Variants in ALDH7A1 observed in about 807,000 individuals in gnomAD.
ALDH7A1 encodes the protein aldehyde dehydrogenase 7 family member A1.
Under a neutral mutation model 79.9 loss-of-function variants are expected in ALDH7A1, and 63 were observed. The ratio of observed to expected loss-of-function variants is 0.79; its 90% CI spans 0.64 to 0.97. The LOEUF (loss-of-function observed/expected upper bound fraction) is 0.97. Among genes scored for constraint, ALDH7A1 ranks in the 50% least tolerant of loss-of-function variants. The probability of loss-of-function intolerance (pLI) is 0.00; values close to 1 mark genes in which losing one functional copy is unlikely to be tolerated. For synonymous variants in ALDH7A1, 240 were observed against 231.2 expected (o/e 1.04, Z -0.34); for missense variants, 627 against 665.2 (o/e 0.94, Z 0.63).
At chr5:126,591,927 CTTTTTTTT>C in intron 3 of ALDH7A1, 1 of 131,130 alleles carries the variant, frequency 7.6e-6, no homozygotes, top group Non-Finnish European at 1.6e-5. Flanking sequence ...TGCCACTGCT[CTTTTTTTT>C]TTTTTTTTTT....
chr5:126,572,461 A>G (rs1306315230), intron 7 of ALDH7A1, among the ~76,000 whole-genome samples: 2 of 152,232 alleles, frequency 1.3e-5, no homozygotes, highest in African/African-American at 2.4e-5. Context: ...CCCTGCCCCT[A>G]AGGCATGAGA....
intron 6 of ALDH7A1, among the ~76,000 whole-genome samples, chr5:126,576,143 G>C (rs1750957476): frequency 1.3e-5 from 2 of 151,612 alleles, no homozygotes; most frequent in South Asian, 4.2e-4. Context: ...GACGCCTGTA[G>C]TCCCAGCTAC....
At position 126,545,013 on chromosome 5, in the gene ALDH7A1, G is replaced by T. The variant is rs556737742; in HGVS notation, c.1572C>A (p.Ile524=). 4 of 1,607,354 alleles carry T rather than the reference G, an allele frequency of 2.5e-6. No individual in the cohort carries two copies. In the East Asian group the frequency reaches 6.7e-5, roughly 27 times the overall value. Residue 524 remains isoleucine (I), a synonymous_variant, in exon 18 of 18, where the codon ATC becomes ATA. Coordinates refer to ENST00000409134, the MANE Select transcript of ALDH7A1 (RefSeq NM_001182.5). ...KQYMRRSTCT[I]NYSKDLPLAQ... ...CCAGAGGAAGGTCTTTACTGTAGTT[G>T]ATAGTACTAGTGGGAAAAAATAACA... is the stretch of plus-strand genomic sequence containing the variant.
At chr5:126,562,840 C>A (rs1415849825) in intron 9 of ALDH7A1, among the ~76,000 whole-genome samples, 1 of 152,124 alleles carries the variant, frequency 6.6e-6, no homozygotes, top group Non-Finnish European at 1.5e-5. Context: ...GAGCGAGACT[C>A]CATGGTTGTA....
intron 10 of ALDH7A1, 112 bp from the exon 11 acceptor site, chr5:126,559,446 T>TTC: frequency 1.2e-6 from 1 of 810,672 alleles, no homozygotes; most frequent in Non-Finnish European, 2.0e-6. Flanking sequence ...TTTTTTTTTT[T>TTC]TTTTTTGAGA....
intron 11 of ALDH7A1, among the ~76,000 whole-genome samples, chr5:126,558,949 T>C (rs112364539): frequency 1.3e-5 from 2 of 152,382 alleles, no homozygotes; most frequent in African/African-American, 4.8e-5. Flanking sequence ...GACACTGGAC[T>C]TCGTCCATAT....
intron 10 of ALDH7A1, among the ~76,000 whole-genome samples, chr5:126,559,764 C>G (rs1750336272): frequency 6.6e-6 from 1 of 151,588 alleles, no homozygotes; most frequent in Non-Finnish European, 1.5e-5. Context: ...AAAAGAACAT[C>G]AAAACTATTG....
Position 126,546,413 on chromosome 5 carries a change from AAAT to A in ALDH7A1, c.1490-17_1490-15del. On this transcript the variant is annotated splice_polypyrimidine_tract_variant and intron_variant, in intron 16 of 17. Transcript: ENST00000409134. ...GCTTTTCTCCTCCTAGAGAAATAAAAAATAATATCATATCTTCTGAGCAGTTTC... is the reference window on the plus strand; with the variant it reads ...GCTTTTCTCCTCCTAGAGAAATAAAAAATATCATATCTTCTGAGCAGTTTC... The A allele has an allele frequency of 6.2e-7, 1 of 1,612,670 alleles. No homozygotes were observed. The highest frequency in any genetic ancestry group is 8.5e-7 in the Non-Finnish European group (1 of 1,178,662).
chr5:126,584,771 G>C (rs1166434336), intron 3 of ALDH7A1, among the ~76,000 whole-genome samples: 1 of 150,414 alleles, frequency 6.6e-6, no homozygotes, highest in Non-Finnish European at 1.5e-5. Flanking sequence ...GAAATGAAGA[G>C]AATTAAAGAA....
intron 4 of ALDH7A1, among the ~76,000 whole-genome samples, chr5:126,583,190 A>G (rs1581395019): frequency 6.6e-6 from 1 of 152,374 alleles, no homozygotes; most frequent in Non-Finnish European, 1.5e-5. Context: ...TTTAAAATAT[A>G]TAAAGTACAA....
At chr5:126,573,687 A>G (rs1274170549) in intron 7 of ALDH7A1, among the ~76,000 whole-genome samples, 1 of 145,050 alleles carries the variant, frequency 6.9e-6, no homozygotes, top group African/African-American at 2.6e-5. Flanking sequence ...ACAGAGCAAG[A>G]CTCAGTCTCA....
intron 16 of ALDH7A1, among the ~76,000 whole-genome samples, chr5:126,548,629 G>A (rs927915568): frequency 2.0e-5 from 3 of 151,980 alleles, no homozygotes; most frequent in Non-Finnish European, 4.4e-5. Context: ...TTTTTGCCAT[G>A]TTGCCCAGGC....
intron 11 of ALDH7A1, among the ~76,000 whole-genome samples, chr5:126,557,971 C>G (rs2112766101): frequency 6.6e-6 from 1 of 151,952 alleles, no homozygotes; most frequent in Middle Eastern, 3.4e-3. Context: ...AGTTCAAGAC[C>G]AGCCTGGCCA....
Position 126,557,758 on chromosome 5 carries a change from A to T in ALDH7A1, c.1008+1482T>A, listed in dbSNP as rs541717403. 1.4e-3 allele frequency among the ~76,000 whole-genome samples: 214 copies of T among 152,304 alleles called. 2 individuals are homozygous for T. Among genetic ancestry groups the T allele is most frequent in the African/African-American group, 4.6e-3 (193 of 41,574 alleles). On this transcript the variant is annotated intron_variant, in intron 11 of 17. Coordinates refer to ENST00000409134, the MANE Select transcript of ALDH7A1 (RefSeq NM_001182.5). The stretch of plus-strand genomic sequence containing the variant: ...GCCAATTCCTTAATAATTCAACTGA[A>T]GGCTTTTTTCATTACAAAAGGAAAA...
chr5:126,578,325 T>C (rs1481541162), intron 5 of ALDH7A1, among the ~76,000 whole-genome samples: 2 of 150,570 alleles, frequency 1.3e-5, no homozygotes, highest in African/African-American at 4.9e-5. Flanking sequence ...ATTACGCAAA[T>C]CTTTACATTC....
intron 5 of ALDH7A1, among the ~76,000 whole-genome samples, chr5:126,579,128 T>A (rs893248587): frequency 6.6e-6 from 1 of 152,224 alleles, no homozygotes; most frequent in Non-Finnish European, 1.5e-5. Flanking sequence ...AAGTCCAATC[T>A]CCTTGTCAGA....
chr5:126,579,748 A>C (rs937308819), intron 5 of ALDH7A1, among the ~76,000 whole-genome samples: 1 of 152,208 alleles, frequency 6.6e-6, no homozygotes, highest in Non-Finnish European at 1.5e-5. Flanking sequence ...ATTTGAGCCA[A>C]GGAGTTCTAG....
chr5:126,554,595 C>T (rs758720636), intron 12 of ALDH7A1: 2 of 600,766 alleles, frequency 3.3e-6, no homozygotes, highest in Non-Finnish European at 6.0e-6. Flanking sequence ...CATCCCAATA[C>T]TCAACTCCGT....
intron 3 of ALDH7A1, among the ~76,000 whole-genome samples, chr5:126,590,276 C>A (rs1751511270): frequency 6.6e-6 from 1 of 152,276 alleles, no homozygotes; most frequent in Non-Finnish European, 1.5e-5. Flanking sequence ...TGCCTGGCCG[C>A]TGTGCAACCT....
Sources: gnomAD v4.1 joint callset for allele counts (sites outside exome capture counted in the v4.1 genomes callset) on GRCh38, gnomAD v4.1.1 for gene constraint, MANE v1.5 for transcripts, NCBI Gene and HGNC (gene_info 2026-07-23, HGNC 2026-07-21) for gene names.